Variants in TNS1 observed in about 807,000 individuals in gnomAD.
TNS1 encodes tensin-1.
TNS1 carries 62 observed loss-of-function variants against 168.6 expected under a neutral mutation model. That is an observed-to-expected ratio of 0.37 (90% CI 0.30 to 0.45). TNS1 has a LOEUF of 0.45. TNS1 is among the 20% of genes least tolerant of loss of function. TNS1 has a pLI of 1.00. For synonymous variants in TNS1, 934 were observed against 933.2 expected, an observed-to-expected ratio of 1.00 and a Z score of -0.02; for missense variants, 2,240 against 2,339.4, an observed-to-expected ratio of 0.96 and a Z score of 0.88.
At chr2:217,918,481 G>A (rs867569915) in intron 4 of TNS1, among the ~76,000 whole-genome samples, 1 of 152,332 alleles carries the variant, frequency 6.6e-6, no homozygotes, top group South Asian at 2.1e-4. Context: ...ACCTCACAGA[G>A]ACACGCAGCC....
intron 7 of TNS1, 98 bp from the exon 8 acceptor site, chr2:217,898,067 A>C: frequency 7.4e-7 from 1 of 1,353,382 alleles, no homozygotes; most frequent in Non-Finnish European, 9.8e-7. Context: ...TGTGACCCCC[A>C]TATGCAGCCC....
rs1944983620 is a variant in TNS1 at position 217,835,105 on chromosome 2, G to A, written c.3266C>T (p.Pro1089Leu). Reference sequence around the variant, plus strand: ...GGAATTCTTACCCCCACTGGGTGGTGGGCTGCTCGGGGAGGTTCCCTCCAT... The same window carrying A: ...GGAATTCTTACCCCCACTGGGTGGTAGGCTGCTCGGGGAGGTTCCCTCCAT... ...EEMEGTSPSS[P>L]PPSGVRSPPG... Residue 1089 changes from proline (P) to leucine (L), a missense_variant, in exon 21 of 33, where the codon CCA becomes CTA. Pro to Leu is a moderately conservative substitution (Grantham distance 98). Around this residue, in one of 2 missense-constraint regions of TNS1, gnomAD observed 2,131 missense variants for 2,171.2 expected, o/e 0.98. Coordinates refer to ENST00000682258, the MANE Select transcript of TNS1 (RefSeq NM_001387777.1). 1 of 1,585,050 alleles carries A rather than the reference G, an allele frequency of 6.3e-7. No homozygotes were observed. The highest frequency in any genetic ancestry group is 1.2e-5 in the South Asian group (1 of 85,726).
chr2:217,943,296 G>A (rs1490748739), intron 3 of TNS1, among the ~76,000 whole-genome samples: 1 of 152,136 alleles, frequency 6.6e-6, no homozygotes, highest in Non-Finnish European at 1.5e-5. Flanking sequence ...AACCTTGCCA[G>A]GCCTGCCAGC....
chr2:217,905,873 C>T (rs1953619723), intron 6 of TNS1, among the ~76,000 whole-genome samples: 1 of 152,212 alleles, frequency 6.6e-6, no homozygotes, highest in Non-Finnish European at 1.5e-5. Flanking sequence ...TCCCAGCCTC[C>T]TCCTGAACCA....
At chr2:217,990,840 C>T in intron 2 of TNS1, 102 bp downstream of exon 2, 1 of 432,616 alleles carries the variant, frequency 2.3e-6, no homozygotes, top group Non-Finnish European at 4.2e-6. Flanking sequence ...AGGTTGGGAC[C>T]CCAAGGATGT....
rs1257065679 is a variant in TNS1 at position 217,809,584 on chromosome 2, C to CATGG, written c.5273+235_5273+238dup. 24 of 66,386 alleles carry CATGG rather than the reference C, an allele frequency of 3.6e-4. 5 individuals are homozygous for CATGG. Among genetic ancestry groups the CATGG allele is most frequent in the Non-Finnish European group, 5.1e-4 (18 of 35,120 alleles). 4.1% of individuals were successfully genotyped at this position (66,386 alleles called of 1,614,324 possible). ...GGATGGATGGATGGATGGATAGGTG[C>CATGG]ATGGATGGATGGATGGATGGATGGA... On this transcript the variant is annotated intron_variant, in intron 30 of 32. Transcript: ENST00000682258.
intron 19 of TNS1, among the ~76,000 whole-genome samples, chr2:217,842,437 G>A (rs916951219): frequency 1.2e-4 from 19 of 152,146 alleles, no homozygotes; most frequent in African/African-American, 4.1e-4. Context: ...AGACCTAAGC[G>A]TTGTCTCTGA....
chr2:217,933,698 G>A (rs1956448465), intron 3 of TNS1, among the ~76,000 whole-genome samples: 1 of 152,192 alleles, frequency 6.6e-6, no homozygotes. Flanking sequence ...AGTGCCCACT[G>A]CAGCCTTGGC....
At chr2:217,883,573 A>G (rs972371750) in intron 16 of TNS1, among the ~76,000 whole-genome samples, 1 of 152,194 alleles carries the variant, frequency 6.6e-6, no homozygotes. Context: ...CCATGCCTCT[A>G]TTTATTGATA....
chr2:217,937,119 C>T, intron 3 of TNS1: 1 of 434,562 alleles, frequency 2.3e-6, no homozygotes, highest in Non-Finnish European at 4.7e-6. Flanking sequence ...GCTCTGCCAG[C>T]TCACATGAGC....
chr2:217,933,458 G>A (rs1434101576), intron 3 of TNS1, among the ~76,000 whole-genome samples: 1 of 152,132 alleles, frequency 6.6e-6, no homozygotes, highest in African/African-American at 2.4e-5. Flanking sequence ...TGGTGCTTGG[G>A]CCCCACCCCA....
rs75430858 is a variant in TNS1, at chr2:217,925,234, G to A, written c.187-4998C>T. Reference sequence around the variant, plus strand: ...AATAAATCTTTTTTTTGTGCGTGTGGCCTGTGGACTCCAGGCATTTTTATG... The same window carrying A: ...AATAAATCTTTTTTTTGTGCGTGTGACCTGTGGACTCCAGGCATTTTTATG... On this transcript the variant is annotated intron_variant, in intron 3 of 32. Transcript: ENST00000682258. 5.3e-5 allele frequency among the ~76,000 whole-genome samples: 8 copies of A among 152,086 alleles called. No homozygotes were observed. The East Asian group carries it at 1.5e-3, about 29-fold the overall frequency.
At chr2:217,899,462 C>T (rs575812103) in intron 7 of TNS1, among the ~76,000 whole-genome samples, 17 of 152,264 alleles carry the variant, frequency 1.1e-4, no homozygotes, top group East Asian at 3.9e-4. Flanking sequence ...GGTGTGAGGG[C>T]GGGGAGCCTC....
In TNS1 at chr2:217,799,959, A is replaced by G. The variant is rs761917609; in HGVS notation, c.*4500T>C. 1 of 152,230 alleles carries G rather than the reference A, an allele frequency of 6.6e-6. No individual in the cohort carries two copies. The highest frequency in any genetic ancestry group is 1.5e-5 in the Non-Finnish European group (1 of 68,052). The allele number at this position is 152,230 out of a possible 1,614,324, so 9.4% of individuals were successfully genotyped here. ...CAGCGGCTATAGGCACGATGATACAAAATATAAAGTATATTTCCATCTATA... is the reference window on the plus strand; with the variant it reads ...CAGCGGCTATAGGCACGATGATACAGAATATAAAGTATATTTCCATCTATA... On this transcript the variant is annotated 3_prime_UTR_variant, in exon 33 of 33. Transcript: ENST00000682258.
intron 2 of TNS1, among the ~76,000 whole-genome samples, chr2:217,980,700 T>A (rs892581162): frequency 6.6e-6 from 1 of 152,038 alleles, no homozygotes; most frequent in African/African-American, 2.4e-5. Flanking sequence ...CATCTCATGT[T>A]CAACCAAAAA....
intron 4 of TNS1, among the ~76,000 whole-genome samples, chr2:217,910,269 A>G (rs746261752): frequency 1.3e-5 from 2 of 151,738 alleles, no homozygotes; most frequent in Non-Finnish European, 2.9e-5. Context: ...GACGCTTGCC[A>G]GAGTTCAGAT....
intron 1 of TNS1, among the ~76,000 whole-genome samples, chr2:217,996,907 T>C (rs769861329): frequency 2.6e-4 from 39 of 151,980 alleles, no homozygotes; most frequent in Non-Finnish European, 4.6e-4. Context: ...AGAAGAAGTA[T>C]TGGTCCCTAC....
chr2:217,953,067 C>T lies in TNS1; in HGVS notation c.186+25698G>A, dbSNP rs1275349342. On this transcript the variant is annotated intron_variant, in intron 3 of 32. Coordinates refer to ENST00000682258, the MANE Select transcript of TNS1 (RefSeq NM_001387777.1). ...ACACTGGTCCCCAGGAGAGGAGATG[C>T]TGGCCTGGCCATCTGGGGATGGAAG... 3.9e-5 allele frequency among the ~76,000 whole-genome samples: 6 copies of T among 152,214 alleles called. No individual in the cohort carries two copies. The East Asian group carries it at 9.6e-4, about 24-fold the overall frequency.
intron 19 of TNS1, among the ~76,000 whole-genome samples, chr2:217,842,760 A>G (rs74836527): frequency 6.6e-6 from 1 of 152,142 alleles, no homozygotes; most frequent in African/African-American, 2.4e-5. Context: ...TCCTCTCTGA[A>G]CTTGTGTCCT....
Sources: allele counts gnomAD v4.1 joint callset (sites outside exome capture counted in the v4.1 genomes callset), GRCh38; gene constraint gnomAD v4.1.1; regional missense constraint gnomAD v4.1.1; transcripts MANE v1.5; gene names NCBI Gene and HGNC (gene_info 2026-07-23, HGNC 2026-07-21).